CAMK1D: variants seen among roughly 807,000 people sequenced by gnomAD.
The protein encoded by CAMK1D is calcium/calmodulin dependent protein kinase ID, also known as calcium/calmodulin-dependent protein kinase type 1D.
A neutral mutation model predicts 47.7 loss-of-function variants in CAMK1D; 9 were observed. That is an observed-to-expected ratio of 0.19 (90% CI 0.11 to 0.33). The LOEUF (loss-of-function observed/expected upper bound fraction) is 0.33, where lower values mean the gene tolerates loss of function less well. Ranked by LOEUF, CAMK1D falls within the 10% of genes least tolerant of loss-of-function variation. CAMK1D has a pLI of 1.00. For missense variants in CAMK1D, 291 were observed against 488.7 expected, an observed-to-expected ratio of 0.60 and a Z score of 3.81; for synonymous variants, 184 against 184.9, an observed-to-expected ratio of 0.99 and a Z score of 0.04.
rs545244822 is a variant in CAMK1D, at chr10:12,652,074, G to A, written c.225-14662G>A. On this transcript the variant is annotated intron_variant, in intron 2 of 10. Transcript: ENST00000619168. ...GATTACAGGCGTGACCACCGCGCCC[G>A]GCCGGAAATAACTTTTTGAGGGAAG... Among the ~76,000 whole-genome samples, 13 of 151,976 alleles carry A rather than the reference G, an allele frequency of 8.6e-5. No individual in the cohort carries two copies. The South Asian group carries it at 1.0e-3, about 12-fold the overall frequency.
chr10:12,601,340 A>G (rs1262879295), intron 2 of CAMK1D, among the ~76,000 whole-genome samples: 1 of 152,140 alleles, frequency 6.6e-6, no homozygotes, highest in African/African-American at 2.4e-5. Context: ...TTATGTGAAG[A>G]TAGACATATG....
chr10:12,615,507 G>C (rs1307748823), intron 2 of CAMK1D, among the ~76,000 whole-genome samples: 1 of 147,688 alleles, frequency 6.8e-6, no homozygotes, highest in Non-Finnish European at 1.5e-5. Flanking sequence ...TACATGTATA[G>C]TTATGTGTGT....
In CAMK1D at chr10:12,734,344, AAATATATAT is replaced by A. The variant is rs1835039824; in HGVS notation, c.300-26602_300-26594del. The stretch of plus-strand genomic sequence containing the variant: ...TCTCAAAAAAAAAAAAAAAAAAAAA[AAATATATAT>A]ATATATATATATATATATATATATA... On this transcript the variant is annotated intron_variant, in intron 3 of 10. Transcript: ENST00000619168. Among the ~76,000 whole-genome samples the A allele has an allele frequency of 6.3e-3, 44 of 7,020 alleles. 1 individual carries two copies. The highest frequency in any genetic ancestry group is 0.019 in the South Asian group (4 of 206). 4.6% of individuals were successfully genotyped at this position (7,020 alleles called of 152,430 possible).
chr10:12,694,191 TATATATTATATATTATGTATA>T, intron 3 of CAMK1D, among the ~76,000 whole-genome samples: 1 of 19,846 alleles, frequency 5.0e-5, no homozygotes, highest in African/African-American at 1.7e-4. Context: ...TATAATATAA[TATATATTATATATTATGTATA>T]ATATAAAATA....
chr10:12,764,153 G>A (rs1836634250), intron 4 of CAMK1D, among the ~76,000 whole-genome samples: 1 of 152,186 alleles, frequency 6.6e-6, no homozygotes, highest in African/African-American at 2.4e-5. Flanking sequence ...GGCGGAGGCG[G>A]GTGGATTGCG....
intron 3 of CAMK1D, among the ~76,000 whole-genome samples, chr10:12,726,849 C>A (rs939361959): frequency 1.3e-5 from 2 of 152,220 alleles, no homozygotes; most frequent in African/African-American, 4.8e-5. Flanking sequence ...TTTGCTTCAA[C>A]GGGATAGCTC....
intron 1 of CAMK1D, among the ~76,000 whole-genome samples, chr10:12,351,500 G>A (rs894735312): frequency 6.6e-6 from 1 of 152,150 alleles, no homozygotes; most frequent in Admixed American, 6.6e-5. Context: ...ATGAGGAGAT[G>A]GGAGAGCATG....
intron 1 of CAMK1D, among the ~76,000 whole-genome samples, chr10:12,500,508 G>A (rs557627430): frequency 1.3e-5 from 2 of 152,328 alleles, no homozygotes; most frequent in East Asian, 1.9e-4. Flanking sequence ...GGCCTTTGCT[G>A]CCATTGCCAG....
intron 1 of CAMK1D, among the ~76,000 whole-genome samples, chr10:12,530,810 A>G (rs1213473236): frequency 2.0e-5 from 3 of 152,160 alleles, no homozygotes; most frequent in African/African-American, 7.2e-5. Context: ...TAATCCCAGC[A>G]CTTTGGGAGG....
At position 12,363,499 on chromosome 10, in the gene CAMK1D, C is replaced by T. The variant is rs569957687; in HGVS notation, c.92+13589C>T. Among the ~76,000 whole-genome samples the T allele has an allele frequency of 3.3e-5, 5 of 152,230 alleles. No homozygotes were observed. In the East Asian group the frequency reaches 9.7e-4, roughly 29 times the overall value. On this transcript the variant is annotated intron_variant, in intron 1 of 10. Transcript: ENST00000619168. ...CAAACTCCTGACCTCTGGTGATCTG[C>T]CCTCTTCGGCCTCCTCTCTCATGTA...
rs760527310 is a variant in CAMK1D, at chr10:12,658,672, G to A, written c.225-8064G>A. ...GAGGAATGCACCGGCAGACCCACAG[G>A]CAGCAGAAGACACCATCAGGCCATT... On this transcript the variant is annotated intron_variant, in intron 2 of 10. Transcript: ENST00000619168. Among the ~76,000 whole-genome samples, 3 of 152,088 alleles carry A rather than the reference G, an allele frequency of 2.0e-5. No homozygotes were observed. In the East Asian group the frequency reaches 5.8e-4, roughly 29 times the overall value.
At chr10:12,738,055 T>A (rs1835261779) in intron 3 of CAMK1D, among the ~76,000 whole-genome samples, 1 of 152,228 alleles carries the variant, frequency 6.6e-6, no homozygotes, top group African/African-American at 2.4e-5. Context: ...ACGAAGACTC[T>A]TCCTCAAGAC....
intron 1 of CAMK1D, among the ~76,000 whole-genome samples, chr10:12,513,699 G>C (rs1156388169): frequency 6.6e-6 from 1 of 152,150 alleles, no homozygotes; most frequent in Non-Finnish European, 1.5e-5. Context: ...TACTCGGGAG[G>C]CTGAGGTGGG....
At chr10:12,545,597 C>G (rs12356159) in intron 1 of CAMK1D, among the ~76,000 whole-genome samples, 1 of 151,072 alleles carries the variant, frequency 6.6e-6, no homozygotes, top group Non-Finnish European at 1.5e-5. Flanking sequence ...GTCAGGAGAT[C>G]GAGACCATCC....
At chr10:12,422,312 A>G (rs1281576185) in intron 1 of CAMK1D, among the ~76,000 whole-genome samples, 1 of 152,188 alleles carries the variant, frequency 6.6e-6, no homozygotes, top group Non-Finnish European at 1.5e-5. Flanking sequence ...GTCGTGTGTA[A>G]CAGGAGGAAC....
At chr10:12,667,598 C>T (rs904127571) in intron 3 of CAMK1D, among the ~76,000 whole-genome samples, 2 of 152,150 alleles carry the variant, frequency 1.3e-5, no homozygotes, top group Non-Finnish European at 2.9e-5. Flanking sequence ...TATGCTTTAA[C>T]CATTACCTGA....
chr10:12,751,207 A>T (rs1835967507), intron 3 of CAMK1D, among the ~76,000 whole-genome samples: 1 of 152,164 alleles, frequency 6.6e-6, no homozygotes, highest in Non-Finnish European at 1.5e-5. Flanking sequence ...CACCATACCC[A>T]GCCAGACCAC....
At chr10:12,572,039 A>ACCC (rs3062649) in intron 2 of CAMK1D, among the ~76,000 whole-genome samples, 163 of 140,024 alleles carry the variant, frequency 1.2e-3, no homozygotes, top group East Asian at 3.5e-3. Context: ...CAAAAACTAA[A>ACCC]CCCCCCCCCA....
At chr10:12,776,854 A>G (rs1269422125) in intron 5 of CAMK1D, among the ~76,000 whole-genome samples, 1 of 152,234 alleles carries the variant, frequency 6.6e-6, no homozygotes, top group Non-Finnish European at 1.5e-5. Flanking sequence ...AGAGGGTGAG[A>G]AAAGACCCTC....
Sources: allele counts gnomAD v4.1 joint callset (sites outside exome capture counted in the v4.1 genomes callset), GRCh38; gene constraint gnomAD v4.1.1; transcripts MANE v1.5; gene names NCBI Gene and HGNC (gene_info 2026-07-23, HGNC 2026-07-21).